CCDC171: variants seen among roughly 807,000 people sequenced by gnomAD.
CCDC171 encodes coiled-coil domain-containing protein 171.
A neutral mutation model predicts 168.2 loss-of-function variants in CCDC171; 177 were observed. That is an observed-to-expected ratio of 1.05 (90% CI 0.93 to 1.19). The LOEUF (loss-of-function observed/expected upper bound fraction) is 1.19, where lower values mean the gene tolerates loss of function less well. CCDC171 is among the 50% of genes most tolerant of loss of function. The pLI is 0.00. For synonymous variants in CCDC171, 687 were observed against 540.8 expected (o/e 1.27, Z -3.75); for missense variants, 1,991 against 1,539.0 (o/e 1.29, Z -4.91).
intron 21 of CCDC171, among the ~76,000 whole-genome samples, chr9:15,829,237 T>G (rs1005952161): frequency 6.6e-6 from 1 of 152,196 alleles, no homozygotes; most frequent in Non-Finnish European, 1.5e-5. Context: ...TATTGGCTCT[T>G]TTATTACATC....
At chr9:16,024,347 T>C (rs1217860607) in intron 6 of CCDC171, among the ~76,000 whole-genome samples, 1 of 152,200 alleles carries the variant, frequency 6.6e-6, no homozygotes, top group Non-Finnish European at 1.5e-5. Context: ...ATAATCAAAC[T>C]TAGAGCATCC....
At chr9:15,794,804 C>T (rs918955118) in intron 21 of CCDC171, among the ~76,000 whole-genome samples, 2 of 152,182 alleles carry the variant, frequency 1.3e-5, no homozygotes, top group African/African-American at 4.8e-5. Context: ...CCTTGTATTC[C>T]TGAAGTAAAC....
chr9:16,038,161 C>T (rs373591494), upstream of CCDC171, among the ~76,000 whole-genome samples: 20 of 152,156 alleles, frequency 1.3e-4, no homozygotes, highest in East Asian at 1.9e-3. Context: ...AAATCACTAT[C>T]GGTTTGCAAT....
chr9:15,630,510 ACGAAGATTC>A (rs1371181169), intron 7 of CCDC171, among the ~76,000 whole-genome samples: 1 of 152,208 alleles, frequency 6.6e-6, no homozygotes, highest in East Asian at 1.9e-4. Context: ...ATACAGGAGC[ACGAAGATTC>A]ATAAAGCAAG....
Position 15,904,067 on chromosome 9 carries a change from G to C in CCDC171, c.3601-16203G>C, listed in dbSNP as rs1822129820. Among the ~76,000 whole-genome samples, 3 of 152,314 alleles carry C rather than the reference G, an allele frequency of 2.0e-5. No individual in the cohort carries two copies. In the South Asian group the frequency reaches 6.2e-4, roughly 32 times the overall value. On this transcript the variant is annotated intron_variant, in intron 24 of 25. Coordinates refer to ENST00000380701, the MANE Select transcript of CCDC171 (RefSeq NM_173550.4). ...ACATCTGATTGGTGTACCTGAAAGT[G>C]ACGGGCAGAATGGAACCAAGTTGGA...
chr9:15,677,765 A>G (rs748496266), intron 9 of CCDC171, among the ~76,000 whole-genome samples: 5 of 142,750 alleles, frequency 3.5e-5, no homozygotes, highest in Admixed American at 1.4e-4. Flanking sequence ...ATATACCTAT[A>G]TGTGTGTGTG....
chr9:15,586,456 A>G (rs1587164275), intron 4 of CCDC171, among the ~76,000 whole-genome samples: 1 of 152,252 alleles, frequency 6.6e-6, no homozygotes, highest in East Asian at 1.9e-4. Context: ...TAACTGAGTT[A>G]GAGAGATGTT....
At chr9:15,676,961 C>A (rs1367826773) in intron 9 of CCDC171, among the ~76,000 whole-genome samples, 1 of 152,044 alleles carries the variant, frequency 6.6e-6, no homozygotes, top group African/African-American at 2.4e-5. Context: ...AATAATAATA[C>A]GTGTGTTTCC....
chr9:15,823,314 TAAAGTA>T (rs2059873569), intron 21 of CCDC171, among the ~76,000 whole-genome samples: 1 of 152,054 alleles, frequency 6.6e-6, no homozygotes, highest in South Asian at 2.1e-4. Flanking sequence ...CCCTAAAACT[TAAAGTA>T]TAATAATAAT....
At chr9:15,806,704 G>T (rs1246201615) in intron 21 of CCDC171, among the ~76,000 whole-genome samples, 1 of 151,642 alleles carries the variant, frequency 6.6e-6, no homozygotes, top group Admixed American at 6.6e-5. Context: ...TATGTGTCTT[G>T]GGATGCTCTT....
chr9:15,619,432 G>C (rs976766764), intron 6 of CCDC171, among the ~76,000 whole-genome samples: 5 of 152,194 alleles, frequency 3.3e-5, no homozygotes, highest in Non-Finnish European at 5.9e-5. Flanking sequence ...GAAAGTTGTA[G>C]TGGTCTGGAT....
intron 3 of CCDC171, among the ~76,000 whole-genome samples, chr9:15,981,317 C>T (rs138039545): frequency 6.7e-4 from 102 of 152,258 alleles, no homozygotes; most frequent in African/African-American, 2.3e-3. Flanking sequence ...ACTCTTTCTC[C>T]ACCACATAAG....
chr9:15,883,485 T>C (rs1818988118), intron 24 of CCDC171, among the ~76,000 whole-genome samples: 1 of 152,194 alleles, frequency 6.6e-6, no homozygotes, highest in African/African-American at 2.4e-5. Flanking sequence ...AGGAGTTCTA[T>C]AAAGTTTTCT....
chr9:15,750,506 G>A (rs762576559), intron 18 of CCDC171, among the ~76,000 whole-genome samples: 2 of 152,000 alleles, frequency 1.3e-5, no homozygotes, highest in Non-Finnish European at 2.9e-5. Context: ...TGGCAGAAAT[G>A]CAACAAAAAA....
chr9:15,885,206 G>A (rs924367892), intron 24 of CCDC171, among the ~76,000 whole-genome samples: 1 of 152,010 alleles, frequency 6.6e-6, no homozygotes, highest in Non-Finnish European at 1.5e-5. Flanking sequence ...GATGCAATTA[G>A]TAAAAAACAA....
the CCDC171 span, among the ~76,000 whole-genome samples, chr9:16,103,403 C>T: frequency 6.6e-6 from 1 of 152,176 alleles, no homozygotes; most frequent in African/African-American, 2.4e-5. Flanking sequence ...TTTCCTCTCA[C>T]TGCCATCTGT....
intron 11 of CCDC171, among the ~76,000 whole-genome samples, chr9:15,719,416 A>AG (rs1232223004): frequency 1.3e-4 from 1 of 7,464 alleles, no homozygotes; most frequent in Non-Finnish European, 5.3e-4. Context: ...GGGCGGGGGA[A>AG]AGAGAGAGAG....
chr9:15,598,235 G>C (rs1440187597), intron 6 of CCDC171, among the ~76,000 whole-genome samples: 1 of 151,962 alleles, frequency 6.6e-6, no homozygotes, highest in African/African-American at 2.4e-5. Flanking sequence ...TTTTAATTGT[G>C]ATGTTAGGGT....
intron 10 of CCDC171, among the ~76,000 whole-genome samples, chr9:15,692,144 G>C (rs546687911): frequency 6.6e-6 from 1 of 152,310 alleles, no homozygotes; most frequent in Non-Finnish European, 1.5e-5. Flanking sequence ...GGGAGACCAA[G>C]GTGGGTGGAT....
Sources: gnomAD v4.1 joint callset for allele counts (sites outside exome capture counted in the v4.1 genomes callset) on GRCh38, gnomAD v4.1.1 for gene constraint, MANE v1.5 for transcripts, NCBI Gene and HGNC (gene_info 2026-07-23, HGNC 2026-07-21) for gene names.